SNTG1: variants seen among roughly 807,000 people sequenced by gnomAD.
SNTG1 encodes syntrophin gamma 1.
A neutral mutation model predicts 74.7 loss-of-function variants in SNTG1; 39 were observed. That is an observed-to-expected ratio of 0.52 (90% confidence interval 0.40 to 0.68). The LOEUF (loss-of-function observed/expected upper bound fraction) is 0.68. SNTG1 is among the 30% of genes least tolerant of loss of function. The pLI is 0.00. For synonymous variants in SNTG1, 254 were observed against 217.1 expected, an observed-to-expected ratio of 1.17 and a Z score of -1.49; for missense variants, 685 against 609.5, an observed-to-expected ratio of 1.12 and a Z score of -1.30.
At chr8:50,547,972 G>C (rs1210268650) in intron 11 of SNTG1, among the ~76,000 whole-genome samples, 1 of 152,150 alleles carries the variant, frequency 6.6e-6, no homozygotes, top group Non-Finnish European at 1.5e-5. Flanking sequence ...GCCAGGAAGA[G>C]ATAAATAAAA....
At chr8:50,271,298 C>A (rs1179811494) in intron 2 of SNTG1, among the ~76,000 whole-genome samples, 3 of 150,476 alleles carry the variant, frequency 2.0e-5, no homozygotes, top group Admixed American at 1.3e-4. Context: ...GAACTACAAA[C>A]AATATAACTT....
intron 18 of SNTG1, chr8:50,762,532 T>C: frequency 2.6e-6 from 1 of 379,796 alleles, no homozygotes; most frequent in Admixed American, 2.9e-5. Context: ...CTGCCCTTTC[T>C]ACCTTCTTAA....
chr8:50,234,981 C>T (rs1265849617), intron 2 of SNTG1, among the ~76,000 whole-genome samples: 1 of 152,014 alleles, frequency 6.6e-6, no homozygotes, highest in Non-Finnish European at 1.5e-5. Flanking sequence ...AGGAAAGATG[C>T]AGGTGCATTT....
At chr8:50,159,558 G>T (rs1028774404) in intron 1 of SNTG1, among the ~76,000 whole-genome samples, 1 of 151,910 alleles carries the variant, frequency 6.6e-6, no homozygotes, top group African/African-American at 2.4e-5. Flanking sequence ...TTTGGTCAAA[G>T]GAAAAAGCAA....
chr8:50,526,301 G>C (rs2094218853), intron 9 of SNTG1, among the ~76,000 whole-genome samples: 1 of 151,970 alleles, frequency 6.6e-6, no homozygotes, highest in South Asian at 2.1e-4. Flanking sequence ...AGTGTTTTTT[G>C]CTTTTCTTCC....
At chr8:50,632,247 AT>A (rs1190190408) in intron 13 of SNTG1, among the ~76,000 whole-genome samples, 2 of 151,848 alleles carry the variant, frequency 1.3e-5, no homozygotes, top group African/African-American at 4.8e-5. Context: ...AAAATGATAA[AT>A]ATCATGGCAT....
intron 4 of SNTG1, among the ~76,000 whole-genome samples, chr8:50,417,208 C>A (rs575069213): frequency 6.6e-6 from 1 of 152,116 alleles, no homozygotes; most frequent in African/African-American, 2.4e-5. Context: ...CTTATATACA[C>A]AAGTTGGAAC....
intron 9 of SNTG1, among the ~76,000 whole-genome samples, chr8:50,526,428 G>T (rs1345791387): frequency 5.9e-5 from 9 of 152,052 alleles, no homozygotes; most frequent in Admixed American, 5.9e-4. Context: ...TTTTTAATGT[G>T]GCTGCTCTTG....
At chr8:50,154,986 G>A (rs1250711299) in intron 1 of SNTG1, among the ~76,000 whole-genome samples, 2 of 152,202 alleles carry the variant, frequency 1.3e-5, no homozygotes, top group Non-Finnish European at 1.5e-5. Flanking sequence ...AGGTTATAGA[G>A]TAATTCTGTG....
chr8:50,461,492 T>C (rs956657231), intron 8 of SNTG1, among the ~76,000 whole-genome samples: 1 of 152,168 alleles, frequency 6.6e-6, no homozygotes, highest in Non-Finnish European at 1.5e-5. Context: ...TTTAGAATTC[T>C]GTTAACATAG....
chr8:50,678,884 G>A (rs1302589254), intron 15 of SNTG1, among the ~76,000 whole-genome samples: 1 of 151,968 alleles, frequency 6.6e-6, no homozygotes, highest in Non-Finnish European at 1.5e-5. Flanking sequence ...CCTGTGGTAT[G>A]TTTTCTTTTC....
chr8:50,069,705 C>G (rs1469908615), intron 1 of SNTG1, among the ~76,000 whole-genome samples: 2 of 145,124 alleles, frequency 1.4e-5, no homozygotes, highest in South Asian at 4.5e-4. Flanking sequence ...TCTCCTTCCT[C>G]CTGACTTCTC....
chr8:50,028,603 G>C (rs987439626), intron 1 of SNTG1, among the ~76,000 whole-genome samples: 2 of 151,738 alleles, frequency 1.3e-5, no homozygotes, highest in South Asian at 4.2e-4. Context: ...AGTTTTGGGA[G>C]GGGGGAGGGA....
intron 1 of SNTG1, among the ~76,000 whole-genome samples, chr8:50,016,168 G>C (rs991133287): frequency 4.6e-5 from 7 of 151,994 alleles, no homozygotes; most frequent in African/African-American, 1.7e-4. Context: ...TTGGCCTTGG[G>C]GAGTGCTTTG....
chr8:50,583,182 C>T (rs1355188118), intron 12 of SNTG1, among the ~76,000 whole-genome samples: 1 of 151,872 alleles, frequency 6.6e-6, no homozygotes, highest in Non-Finnish European at 1.5e-5. Flanking sequence ...GCGAGTGGAT[C>T]ACCTGAGGCC....
At chr8:50,572,455 A>G (rs762768407) in intron 12 of SNTG1, among the ~76,000 whole-genome samples, 7 of 152,142 alleles carry the variant, frequency 4.6e-5, no homozygotes, top group Non-Finnish European at 1.0e-4. Context: ...TGAGACAGAT[A>G]AAATTGGATA....
At position 50,704,761 on chromosome 8, in the gene SNTG1, C is replaced by CTGTG. The variant is rs766218793; in HGVS notation, c.1191+10_1191+13dup. ...AAGTAGAACGGATACAGGTGAGAGT[C>CTGTG]TGTGGGACTGCAGGATGTGTGGCTC... On this transcript the variant is annotated intron_variant, in intron 16 of 18. Coordinates refer to ENST00000642720, the MANE Select transcript of SNTG1 (RefSeq NM_018967.5). The CTGTG allele has an allele frequency of 8.1e-6, 13 of 1,613,766 alleles. No individual in the cohort carries two copies. The South Asian group carries it at 1.4e-4, about 18-fold the overall frequency.
At chr8:50,406,163 T>G (rs1235151538) in intron 4 of SNTG1, among the ~76,000 whole-genome samples, 1 of 152,116 alleles carries the variant, frequency 6.6e-6, no homozygotes, top group Non-Finnish European at 1.5e-5. Context: ...AATAGTAAGT[T>G]TTCTGATAGA....
intron 1 of SNTG1, among the ~76,000 whole-genome samples, chr8:50,062,169 G>A (rs897051466): frequency 1.3e-5 from 2 of 152,008 alleles, no homozygotes; most frequent in East Asian, 3.9e-4. Context: ...TCAGCCTCCT[G>A]AGTAGCTGGG....
Sources: allele counts gnomAD v4.1 joint callset (sites outside exome capture counted in the v4.1 genomes callset), GRCh38; gene constraint gnomAD v4.1.1; transcripts MANE v1.5; gene names NCBI Gene and HGNC (gene_info 2026-07-23, HGNC 2026-07-21).